Variants in MDGA2 observed in about 807,000 individuals in gnomAD.
MDGA2 encodes MAM domain containing glycosylphosphatidylinositol anchor 2, also known as MAM domain-containing glycosylphosphatidylinositol anchor protein 2.
In MDGA2, 40 loss-of-function variants were observed where a neutral mutation model predicts 117.8. That is an observed-to-expected ratio of 0.34 (90% CI 0.26 to 0.44). MDGA2 has a LOEUF of 0.44. MDGA2 is among the 20% of genes least tolerant of loss of function. MDGA2 has a pLI of 1.00. For synonymous variants in MDGA2, 452 were observed against 439.0 expected (o/e 1.03, Z -0.37); for missense variants, 1,123 against 1,250.6 (o/e 0.90, Z 1.54).
chr14:47,006,450 ATAATTT>A (rs1887714948), intron 8 of MDGA2, among the ~76,000 whole-genome samples: 1 of 147,520 alleles, frequency 6.8e-6, no homozygotes, highest in Non-Finnish European at 1.5e-5. Context: ...AATTATAATT[ATAATTT>A]TAAAATATAT....
At chr14:47,088,463 T>C (rs1890990392) in intron 6 of MDGA2, among the ~76,000 whole-genome samples, 1 of 152,188 alleles carries the variant, frequency 6.6e-6, no homozygotes, top group South Asian at 2.1e-4. Flanking sequence ...CCATCATCAT[T>C]ATAGTTTTAA....
At position 47,622,048 on chromosome 14, in the gene MDGA2, TATAAC is replaced by T. The variant is rs140906986; in HGVS notation, c.280+52464_280+52468del. Reference sequence around the variant, plus strand: ...TAAGTATTAAATTCATATGAGCTATTATAACATATTCCACATATATCTGTTTCATT... The same window carrying T: ...TAAGTATTAAATTCATATGAGCTATTATATTCCACATATATCTGTTTCATT... On this transcript the variant is annotated intron_variant, in intron 1 of 16. Transcript: ENST00000399232. 2.7e-3 allele frequency among the ~76,000 whole-genome samples: 406 copies of T among 152,364 alleles called. 1 individual carries two copies. The highest frequency in any genetic ancestry group is 9.2e-3 in the African/African-American group (381 of 41,594).
At chr14:47,362,598 C>T (rs17118397) in intron 1 of MDGA2, among the ~76,000 whole-genome samples, 21,003 of 151,952 alleles carry the variant, frequency 0.14, 1,574 homozygotes, top group East Asian at 0.18. Flanking sequence ...AAAAAGATTA[C>T]TCTGAATATA....
In MDGA2 at chr14:47,657,698, C is replaced by G. The variant is rs183327871; in HGVS notation, c.280+16819G>C. Among the ~76,000 whole-genome samples the G allele has an allele frequency of 1.8e-3, 275 of 152,268 alleles. 1 individual carries two copies. The highest frequency in any genetic ancestry group is 6.3e-3 in the African/African-American group (260 of 41,568). The stretch of plus-strand genomic sequence containing the variant: ...TGATATACCTAAAACAGGATCTCTC[C>G]TAACATTGTACTAACCAAAGGGATC... On this transcript the variant is annotated intron_variant, in intron 1 of 16. Transcript: ENST00000399232.
chr14:46,885,542 G>C (rs1372705026), intron 10 of MDGA2, among the ~76,000 whole-genome samples: 4 of 152,132 alleles, frequency 2.6e-5, no homozygotes, highest in African/African-American at 9.7e-5. Flanking sequence ...CAAGTAGGCA[G>C]AAACTTTTTA....
intron 5 of MDGA2, among the ~76,000 whole-genome samples, chr14:47,116,278 G>A (rs1214601722): frequency 6.6e-6 from 1 of 151,988 alleles, no homozygotes; most frequent in Non-Finnish European, 1.5e-5. Context: ...ACAAACAAAT[G>A]AAAAGACATC....
chr14:47,289,747 T>C (rs1354521596), intron 2 of MDGA2, among the ~76,000 whole-genome samples: 1 of 152,146 alleles, frequency 6.6e-6, no homozygotes, highest in Non-Finnish European at 1.5e-5. Context: ...AAATACTTAT[T>C]TCATATCAAC....
rs531575396 is a variant in MDGA2, at chr14:47,005,815, A to G, written c.1819+29196T>C. Among the ~76,000 whole-genome samples the G allele has an allele frequency of 1.2e-4, 18 of 151,722 alleles. No homozygotes were observed. In the South Asian group the frequency reaches 1.4e-3, roughly 12 times the overall value. ...TGGTAAGAATTATGATGCTTTGTCT[A>G]TATTTTTATTTGTATACTTAAACAT... On this transcript the variant is annotated intron_variant, in intron 8 of 16. Transcript: ENST00000399232.
At chr14:47,149,213 C>T (rs1420996377) in intron 3 of MDGA2, among the ~76,000 whole-genome samples, 2 of 152,036 alleles carry the variant, frequency 1.3e-5, no homozygotes, top group African/African-American at 4.8e-5. Flanking sequence ...TTGCTTGAAC[C>T]CGGGAGGTGA....
chr14:47,429,945 G>T (rs1212315482), intron 1 of MDGA2, among the ~76,000 whole-genome samples: 3 of 148,662 alleles, frequency 2.0e-5, no homozygotes, highest in Non-Finnish European at 3.0e-5. Context: ...AGGAGGTCTG[G>T]ATGATGATAA....
At chr14:47,093,387 AAG>A (rs1392545631) in intron 6 of MDGA2, among the ~76,000 whole-genome samples, 3 of 152,106 alleles carry the variant, frequency 2.0e-5, no homozygotes, top group African/African-American at 7.2e-5. Context: ...TTCATGAGAG[AAG>A]AGAGATGTAG....
At chr14:47,583,380 G>A (rs139225332) in intron 1 of MDGA2, among the ~76,000 whole-genome samples, 92 of 151,950 alleles carry the variant, frequency 6.1e-4, no homozygotes, top group African/African-American at 2.1e-3. Flanking sequence ...ATGGCAATAT[G>A]AGCCTTTGAT....
intron 1 of MDGA2, among the ~76,000 whole-genome samples, chr14:47,361,117 G>T (rs935995880): frequency 6.6e-6 from 1 of 151,538 alleles, no homozygotes; most frequent in Non-Finnish European, 1.5e-5. Flanking sequence ...CTATGTGAAT[G>T]AATATGTTAA....
chr14:47,123,450 C>T (rs769389586), intron 5 of MDGA2, among the ~76,000 whole-genome samples: 4 of 151,988 alleles, frequency 2.6e-5, no homozygotes, highest in Non-Finnish European at 4.4e-5. Context: ...TATATTTTTA[C>T]ATTTCTGAAG....
chr14:46,961,813 T>G (rs1408898100), intron 8 of MDGA2, among the ~76,000 whole-genome samples: 1 of 152,034 alleles, frequency 6.6e-6, no homozygotes, highest in Non-Finnish European at 1.5e-5. Context: ...TGGCTAATTT[T>G]TTGTATTTTT....
intron 6 of MDGA2, among the ~76,000 whole-genome samples, chr14:47,074,300 G>T (rs533189995): frequency 6.8e-6 from 1 of 147,432 alleles, no homozygotes; most frequent in African/African-American, 2.5e-5. Context: ...ACCAGTAACA[G>T]AACTTTTTTT....
At chr14:47,382,396 C>T (rs1465332915) in intron 1 of MDGA2, among the ~76,000 whole-genome samples, 2 of 152,180 alleles carry the variant, frequency 1.3e-5, no homozygotes, top group African/African-American at 4.8e-5. Flanking sequence ...GCACAAGGAA[C>T]TACCATCAGA....
At chr14:46,906,847 G>A (rs552341383) in intron 10 of MDGA2, among the ~76,000 whole-genome samples, 10 of 151,700 alleles carry the variant, frequency 6.6e-5, no homozygotes, top group Admixed American at 3.3e-4. Flanking sequence ...TTGCCCACCC[G>A]GACAAAATGT....
Position 47,196,762 on chromosome 14 carries a change from A to G in MDGA2, c.595+21259T>C, listed in dbSNP as rs537139357. ...GGCTTGGTATACGAATAAGCCTATC[A>G]CCAAGGTAGTGAGCATAATACCTAA... On this transcript the variant is annotated intron_variant, in intron 3 of 16. Transcript: ENST00000399232. 1.2e-3 allele frequency among the ~76,000 whole-genome samples: 181 copies of G among 152,316 alleles called. 1 individual carries two copies. The highest frequency in any genetic ancestry group is 4.2e-3 in the African/African-American group (174 of 41,574).
Sources: allele counts gnomAD v4.1 joint callset (sites outside exome capture counted in the v4.1 genomes callset), GRCh38; gene constraint gnomAD v4.1.1; transcripts MANE v1.5; gene names NCBI Gene and HGNC (gene_info 2026-07-23, HGNC 2026-07-21).